The following ITGB6 variants were observed in gnomAD, a reference collection of about 807,000 sequenced individuals.
The protein encoded by ITGB6 is integrin subunit beta 6.
ITGB6 carries 80 observed loss-of-function variants against 84.5 expected under a neutral mutation model. The observed-to-expected ratio is 0.95, with a 90% CI of 0.79 to 1.14. The LOEUF (loss-of-function observed/expected upper bound fraction) is 1.14. ITGB6 is among the 50% of genes most tolerant of loss of function. The pLI, the probability that ITGB6 is intolerant of heterozygous loss-of-function variation, is 0.00. For missense variants in ITGB6, 1,006 were observed against 968.0 expected, an observed-to-expected ratio of 1.04 and a Z score of -0.52; for synonymous variants, 383 against 354.9, an observed-to-expected ratio of 1.08 and a Z score of -0.89.
At chr2:160,172,905 T>G (rs969879775) in intron 5 of ITGB6, among the ~76,000 whole-genome samples, 175 bp from the exon 6 acceptor site, 3 of 152,244 alleles carry the variant, frequency 2.0e-5, no homozygotes. Context: ...CATGAAATTC[T>G]GTGACATTTG....
chr2:160,160,661 G>A (rs1684781116), intron 7 of ITGB6, among the ~76,000 whole-genome samples: 1 of 152,078 alleles, frequency 6.6e-6, no homozygotes, highest in Non-Finnish European at 1.5e-5. Context: ...AGTTTCACTT[G>A]TCCTTTTGTG....
intron 13 of ITGB6, among the ~76,000 whole-genome samples, chr2:160,111,489 A>T (rs1031416413): frequency 3.9e-5 from 6 of 152,112 alleles, no homozygotes; most frequent in African/African-American, 1.4e-4. Context: ...AGATTTTTCC[A>T]GAGCAAGACT....
chr2:160,158,550 C>T (rs910430513), intron 7 of ITGB6, among the ~76,000 whole-genome samples: 1 of 152,178 alleles, frequency 6.6e-6, no homozygotes, highest in Non-Finnish European at 1.5e-5. Context: ...CCTTTGCTGA[C>T]TAATTCAAGT....
Position 160,174,049 on chromosome 2 carries a change from C to T in ITGB6, c.684G>A (p.Lys228=). The part of the protein sequence containing the change: ...NDAERFNEIV[K]NQKISANIDT... ...CAATATTAGCAGAAATTTTCTGATT[C>T]TTCACAATTTCATTGAATCTTTCAG... Residue 228 remains lysine (K), a synonymous_variant, in exon 5 of 15, where the codon AAG becomes AAA. Coordinates refer to ENST00000283249, the MANE Select transcript of ITGB6 (RefSeq NM_000888.5). The T allele has an allele frequency of 6.2e-7, 1 of 1,613,086 alleles. No homozygotes were observed. The highest frequency in any genetic ancestry group is 8.5e-7 in the Non-Finnish European group (1 of 1,179,700).
At chr2:160,111,391 T>G (rs1329509431) in intron 13 of ITGB6, among the ~76,000 whole-genome samples, 1 of 152,170 alleles carries the variant, frequency 6.6e-6, no homozygotes, top group African/African-American at 2.4e-5. Context: ...TAATTTCTCC[T>G]TATACAGCAG....
At chr2:160,161,886 T>C (rs982520103) in intron 7 of ITGB6, among the ~76,000 whole-genome samples, 1 of 152,332 alleles carries the variant, frequency 6.6e-6, no homozygotes, top group East Asian at 1.9e-4. Flanking sequence ...AGGATTTCAC[T>C]TCTCAATAGA....
In ITGB6 at chr2:160,142,174, A is replaced by G. The variant is rs1256523714; in HGVS notation, c.1018-103T>C. The G allele has an allele frequency of 4.6e-6, 3 of 659,008 alleles. No homozygotes were observed. In the East Asian group the frequency reaches 8.8e-5, roughly 19 times the overall value. 40.8% of individuals were successfully genotyped at this position (659,008 alleles called of 1,614,324 possible). A position where few individuals can be genotyped will look rare whatever the true frequency, so the allele number is the denominator to read the frequency against. On this transcript the variant is annotated intron_variant, in intron 7 of 14. Transcript: ENST00000283249. Reference sequence around the variant, plus strand: ...TATGATTGCCTCTATTTAACTGGCCAGGGAAAACAGGTTCGTGATAACAAA... The same window carrying G: ...TATGATTGCCTCTATTTAACTGGCCGGGGAAAACAGGTTCGTGATAACAAA...
At chr2:160,106,082 T>C (rs1021429303) in intron 14 of ITGB6, among the ~76,000 whole-genome samples, 4 of 152,210 alleles carry the variant, frequency 2.6e-5, no homozygotes, top group Non-Finnish European at 5.9e-5. Context: ...CCAGCTTTCA[T>C]TTCCTTTCAC....
intron 4 of ITGB6, among the ~76,000 whole-genome samples, chr2:160,189,660 T>A (rs1686057715): frequency 6.6e-6 from 1 of 152,048 alleles, no homozygotes; most frequent in Non-Finnish European, 1.5e-5. Flanking sequence ...TGAGATACCA[T>A]CTCACACCAG....
At chr2:160,179,790 A>T (rs1303071591) in intron 4 of ITGB6, among the ~76,000 whole-genome samples, 11 of 151,874 alleles carry the variant, frequency 7.2e-5, no homozygotes. Context: ...CACAGTATAC[A>T]TAAAATGATG....
intron 12 of ITGB6, among the ~76,000 whole-genome samples, chr2:160,118,504 G>A (rs1310164792): frequency 3.9e-5 from 6 of 151,954 alleles, no homozygotes; most frequent in African/African-American, 1.4e-4. Flanking sequence ...AGGTATTGAT[G>A]GGACGTATCT....
chr2:160,108,933 C>T (rs1368590231), intron 13 of ITGB6, among the ~76,000 whole-genome samples: 1 of 152,094 alleles, frequency 6.6e-6, no homozygotes. Context: ...TCTCCTCTTA[C>T]TTTCATGGAA....
chr2:160,154,512 A>G (rs374811532), intron 7 of ITGB6, among the ~76,000 whole-genome samples: 21 of 152,288 alleles, frequency 1.4e-4, no homozygotes, highest in African/African-American at 5.1e-4. Flanking sequence ...CAGCACACCA[A>G]CATGGCACAT....
chr2:160,159,715 C>T (rs1684750434), intron 7 of ITGB6, among the ~76,000 whole-genome samples: 1 of 152,174 alleles, frequency 6.6e-6, no homozygotes, highest in African/African-American at 2.4e-5. Flanking sequence ...CTTGAAAACT[C>T]CTCAGCCTTC....
At chr2:160,159,115 A>G (rs1268610388) in intron 7 of ITGB6, among the ~76,000 whole-genome samples, 1 of 151,550 alleles carries the variant, frequency 6.6e-6, no homozygotes, top group African/African-American at 2.4e-5. Flanking sequence ...AAAAAAAAAG[A>G]AATGCAGACT....
At chr2:160,142,903 G>A (rs1684053289) in intron 7 of ITGB6, among the ~76,000 whole-genome samples, 2 of 152,206 alleles carry the variant, frequency 1.3e-5, no homozygotes, top group African/African-American at 4.8e-5. Flanking sequence ...GTTTTACAAG[G>A]TGTGTGATAG....
intron 4 of ITGB6, among the ~76,000 whole-genome samples, chr2:160,178,538 T>A (rs80184410): frequency 0.014 from 2,204 of 152,278 alleles, 56 homozygotes; most frequent in African/African-American, 0.05. Flanking sequence ...AATTTTAATT[T>A]AACTCACTAA....
intron 7 of ITGB6, among the ~76,000 whole-genome samples, chr2:160,160,560 T>A (rs1248113112): frequency 6.6e-6 from 1 of 152,176 alleles, no homozygotes; most frequent in African/African-American, 2.4e-5. Flanking sequence ...TACTAGTCCC[T>A]TGGTAGGATA....
intron 12 of ITGB6, among the ~76,000 whole-genome samples, chr2:160,119,945 T>C (rs1388506698): frequency 2.6e-5 from 4 of 151,938 alleles, no homozygotes; most frequent in Non-Finnish European, 2.9e-5. Context: ...ATCAGAGAAA[T>C]GCAAATCAAA....
Sources: gnomAD v4.1 joint callset for allele counts (sites outside exome capture counted in the v4.1 genomes callset) on GRCh38, gnomAD v4.1.1 for gene constraint, MANE v1.5 for transcripts, NCBI Gene and HGNC (gene_info 2026-07-23, HGNC 2026-07-21) for gene names.